Variants in SLIT3 observed in about 807,000 individuals in gnomAD.
SLIT3 encodes the protein slit guidance ligand 3, also known as slit homolog 3 protein.
In SLIT3, 68 loss-of-function variants were observed where a neutral mutation model predicts 184.0. The ratio of observed to expected loss-of-function variants is 0.37; its 90% CI spans 0.30 to 0.45. The LOEUF (loss-of-function observed/expected upper bound fraction) is 0.45. SLIT3 is among the 20% of genes least tolerant of loss of function. The pLI is 1.00. For synonymous variants in SLIT3, 831 were observed against 828.6 expected, an observed-to-expected ratio of 1.00 and a Z score of -0.05; for missense variants, 1,707 against 2,026.0, an observed-to-expected ratio of 0.84 and a Z score of 3.02.
chr5:169,072,380 A>G (rs76951501), intron 4 of SLIT3, among the ~76,000 whole-genome samples: 1,616 of 152,342 alleles, frequency 0.011, 12 homozygotes, highest in Non-Finnish European at 0.015. Flanking sequence ...AGGCAAATAA[A>G]TATCTGCTAG....
At chr5:168,684,179 G>A in intron 31 of SLIT3, 83 bp from the exon 32 acceptor site, 1 of 1,349,222 alleles carries the variant, frequency 7.4e-7, no homozygotes, top group Non-Finnish European at 9.8e-7. Context: ...CCCTCTTCCA[G>A]GCAGCAGCTT....
At chr5:168,800,796 T>C (rs947027483) in intron 9 of SLIT3, among the ~76,000 whole-genome samples, 2 of 152,240 alleles carry the variant, frequency 1.3e-5, no homozygotes, top group Non-Finnish European at 2.9e-5. Flanking sequence ...ATTCTGTGCA[T>C]GTGCTCAGAT....
At chr5:168,913,274 A>C (rs1761313782) in intron 4 of SLIT3, among the ~76,000 whole-genome samples, 1 of 152,190 alleles carries the variant, frequency 6.6e-6, no homozygotes, top group Non-Finnish European at 1.5e-5. Context: ...CAATCAATAC[A>C]TACGGAGTTC....
chr5:169,160,320 C>T (rs1762436997), intron 4 of SLIT3, among the ~76,000 whole-genome samples: 1 of 152,214 alleles, frequency 6.6e-6, no homozygotes, highest in South Asian at 2.1e-4. Context: ...GGGCACACAT[C>T]TCACCTGCCC....
chr5:169,104,108 A>G (rs1290787686), intron 4 of SLIT3, among the ~76,000 whole-genome samples: 2 of 151,840 alleles, frequency 1.3e-5, no homozygotes, highest in Non-Finnish European at 2.9e-5. Flanking sequence ...TAATTCTCCT[A>G]TTTTTCTTCT....
intron 16 of SLIT3, among the ~76,000 whole-genome samples, chr5:168,757,552 G>GC (rs909295964): frequency 9.9e-5 from 15 of 152,140 alleles, no homozygotes; most frequent in Non-Finnish European, 2.1e-4. Flanking sequence ...TCCTGCTTCA[G>GC]CCCCCCGAGT....
At chr5:168,754,374 A>T (rs1474509067) in intron 16 of SLIT3, among the ~76,000 whole-genome samples, 1 of 152,220 alleles carries the variant, frequency 6.6e-6, no homozygotes, top group Non-Finnish European at 1.5e-5. Flanking sequence ...TGTTAAGTGA[A>T]ATGAGCCAGG....
At chr5:169,243,098 C>G (rs548938141) in intron 3 of SLIT3, among the ~76,000 whole-genome samples, 1 of 152,012 alleles carries the variant, frequency 6.6e-6, no homozygotes, top group Non-Finnish European at 1.5e-5. Flanking sequence ...GGTAATTACA[C>G]CTCATAGGAA....
At chr5:168,885,463 C>T (rs1293812271) in intron 4 of SLIT3, among the ~76,000 whole-genome samples, 1 of 152,222 alleles carries the variant, frequency 6.6e-6, no homozygotes, top group Non-Finnish European at 1.5e-5. Flanking sequence ...TGCTCTCCAT[C>T]AGCCTCCGGA....
intron 3 of SLIT3, among the ~76,000 whole-genome samples, chr5:169,227,037 C>T (rs17556758): frequency 0.24 from 36,974 of 152,088 alleles, 5,463 homozygotes; most frequent in Non-Finnish European, 0.34. Flanking sequence ...GGGGAACCCA[C>T]TAACATGGAA....
chr5:169,095,584 C>T (rs1759747012), intron 4 of SLIT3, among the ~76,000 whole-genome samples: 1 of 152,188 alleles, frequency 6.6e-6, no homozygotes, highest in Non-Finnish European at 1.5e-5. Flanking sequence ...ATGGACTTCC[C>T]ACCTGCCATC....
chr5:169,128,759 T>G (rs1005543299), intron 4 of SLIT3, among the ~76,000 whole-genome samples: 10 of 152,158 alleles, frequency 6.6e-5, no homozygotes, highest in African/African-American at 2.4e-4. Flanking sequence ...AACTTGGATA[T>G]TGTTTCAAAG....
chr5:168,970,959 T>C (rs891358615), intron 4 of SLIT3, among the ~76,000 whole-genome samples: 2 of 152,238 alleles, frequency 1.3e-5, no homozygotes, highest in Non-Finnish European at 1.5e-5. Flanking sequence ...GTCCCCTCCA[T>C]GAAGAGCTTG....
chr5:169,249,590 G>A (rs10059258), intron 2 of SLIT3, among the ~76,000 whole-genome samples: 2,475 of 149,334 alleles, frequency 0.017, 66 homozygotes, highest in African/African-American at 0.059. Flanking sequence ...CAGATGCAGG[G>A]GAAATAAATA....
At chr5:169,001,638 A>C (rs1427210003) in intron 4 of SLIT3, among the ~76,000 whole-genome samples, 3 of 152,218 alleles carry the variant, frequency 2.0e-5, no homozygotes, top group African/African-American at 7.2e-5. Flanking sequence ...AAAATGAACA[A>C]TTCTTGGTTT....
intron 11 of SLIT3, among the ~76,000 whole-genome samples, chr5:168,786,753 G>T (rs1002585252): frequency 6.6e-6 from 1 of 152,100 alleles, no homozygotes; most frequent in African/African-American, 2.4e-5. Context: ...GTGCTCAGGG[G>T]CGTCTTTATG....
At chr5:169,020,605 T>C (rs775592119) in intron 4 of SLIT3, among the ~76,000 whole-genome samples, 3 of 152,222 alleles carry the variant, frequency 2.0e-5, no homozygotes, top group Non-Finnish European at 4.4e-5. Flanking sequence ...TAAATTCATT[T>C]GTTACAGCAG....
rs1205491646 is a variant in SLIT3 at position 168,662,426 on chromosome 5, C to T, written c.*4028G>A. On this transcript the variant is annotated 3_prime_UTR_variant, in exon 36 of 36. Coordinates refer to ENST00000519560, the MANE Select transcript of SLIT3 (RefSeq NM_003062.4). ...TAGATCATCCTGGTCCTGGCCTTTC[C>T]TGAAGGTCACCCTGGGGCTCTTTTC... 1.3e-5 allele frequency: 2 copies of T among 152,210 alleles called. No homozygotes were observed. Among genetic ancestry groups the T allele is most frequent in the African/African-American group, 2.4e-5 (1 of 41,444 alleles). The allele number at this position is 152,210 out of a possible 1,614,324, so 9.4% of individuals were successfully genotyped here.
chr5:169,158,537 T>C (rs1762380098), intron 4 of SLIT3, among the ~76,000 whole-genome samples: 1 of 152,066 alleles, frequency 6.6e-6, no homozygotes, highest in Admixed American at 6.5e-5. Flanking sequence ...GGAAGAACAA[T>C]GGAAAGAGTA....
Sources: allele counts gnomAD v4.1 joint callset (sites outside exome capture counted in the v4.1 genomes callset), GRCh38; gene constraint gnomAD v4.1.1; transcripts MANE v1.5; gene names NCBI Gene and HGNC (gene_info 2026-07-23, HGNC 2026-07-21).